Variants in MRTFB observed in about 807,000 individuals in gnomAD.
MRTFB encodes myocardin-related transcription factor B.
In MRTFB, 29 loss-of-function variants were observed where a neutral mutation model predicts 104.2. The ratio of observed to expected loss-of-function variants is 0.28; its 90% confidence interval spans 0.21 to 0.38. The LOEUF is 0.38. Ranked by LOEUF, MRTFB falls within the 10% of genes least tolerant of loss-of-function variation. The probability of loss-of-function intolerance (pLI) is 1.00; values close to 1 mark genes in which losing one functional copy is unlikely to be tolerated. For missense variants in MRTFB, 1,270 were observed against 1,341.6 expected, an observed-to-expected ratio of 0.95 and a Z score of 0.83; for synonymous variants, 535 against 519.5, an observed-to-expected ratio of 1.03 and a Z score of -0.41.
chr16:14,197,047 A>G (rs1362075257), intron 3 of MRTFB, among the ~76,000 whole-genome samples: 1 of 133,268 alleles, frequency 7.5e-6, no homozygotes, highest in African/African-American at 2.9e-5. Context: ...GCGGCTCACT[A>G]CAACCTCTGC....
the MRTFB span, among the ~76,000 whole-genome samples, chr16:14,008,611 C>G: frequency 3.3e-4 from 51 of 152,262 alleles, no homozygotes; most frequent in African/African-American, 1.2e-3. Context: ...TTTTAGTACT[C>G]AGGAAGTATG....
intron 1 of MRTFB, among the ~76,000 whole-genome samples, chr16:14,075,131 ATTTGAAAACATACT>A (rs1214880201): frequency 6.6e-6 from 1 of 152,232 alleles, no homozygotes; most frequent in African/African-American, 2.4e-5. Flanking sequence ...TAAGAAATAT[ATTTGAAAACATACT>A]TACTCTGTGT....
chr16:14,254,340 T>C (rs1455181742), intron 15 of MRTFB, among the ~76,000 whole-genome samples: 1 of 152,206 alleles, frequency 6.6e-6, no homozygotes, highest in Non-Finnish European at 1.5e-5. Flanking sequence ...GAAGAGTAAA[T>C]AGAAGCAGTC....
rs376489821 is a variant in MRTFB at position 14,246,123 on chromosome 16, C to T, written c.1213-350C>T. ...TAATGATACGGACACCTCATGGGGT[C>T]GTGTGAAGATGAGTGGAAAGAGTAG... On this transcript the variant is annotated intron_variant, in intron 11 of 16. Coordinates refer to ENST00000571589, the MANE Select transcript of MRTFB (RefSeq NM_001308142.2). Among the ~76,000 whole-genome samples the T allele has an allele frequency of 3.9e-5, 6 of 152,224 alleles. No homozygotes were observed. In the East Asian group the frequency reaches 9.7e-4, roughly 25 times the overall value.
At chr16:14,064,247 G>A in the MRTFB span, among the ~76,000 whole-genome samples, 6 of 151,994 alleles carry the variant, frequency 3.9e-5, no homozygotes, top group South Asian at 2.1e-4. Context: ...GCATTTTTTC[G>A]TATGCTTGTT....
chr16:14,097,741 T>G (rs766783547), intron 2 of MRTFB, among the ~76,000 whole-genome samples: 8 of 152,200 alleles, frequency 5.3e-5, no homozygotes, highest in Non-Finnish European at 1.5e-5. Flanking sequence ...GCATGCTCCT[T>G]TGCCCCTGTT....
At chr16:14,213,295 T>C (rs552821545) in intron 5 of MRTFB, among the ~76,000 whole-genome samples, 42 of 152,324 alleles carry the variant, frequency 2.8e-4, no homozygotes, top group Non-Finnish European at 5.0e-4. Context: ...GACCTTTCGA[T>C]GTTCATAAGT....
intron 3 of MRTFB, among the ~76,000 whole-genome samples, chr16:14,175,567 A>G (rs1441693640): frequency 1.3e-5 from 2 of 152,218 alleles, no homozygotes; most frequent in Non-Finnish European, 2.9e-5. Context: ...TGAAGAAACC[A>G]CTGTTCCTTT....
intron 14 of MRTFB, 71 bp from the exon 15 acceptor site, chr16:14,252,294 G>A: frequency 6.4e-7 from 1 of 1,562,386 alleles, no homozygotes; most frequent in Non-Finnish European, 8.7e-7. Flanking sequence ...GAACAGCAGA[G>A]CCGAGTCTAG....
At chr16:13,997,141 C>CAG in the MRTFB span, among the ~76,000 whole-genome samples, 1 of 152,234 alleles carries the variant, frequency 6.6e-6, no homozygotes, top group African/African-American at 2.4e-5. Context: ...TCACCACACT[C>CAG]AGAGACCAGG....
At chr16:14,069,439 C>T (rs776924663), upstream of MRTFB, among the ~76,000 whole-genome samples, 18 of 152,174 alleles carry the variant, frequency 1.2e-4, no homozygotes, top group African/African-American at 4.1e-4. Flanking sequence ...GATGGCACAT[C>T]GTAGGACTTC....
At chr16:14,129,411 A>G (rs66463938) in intron 2 of MRTFB, among the ~76,000 whole-genome samples, 31,864 of 152,138 alleles carry the variant, frequency 0.21, 5,897 homozygotes, top group African/African-American at 0.49. Flanking sequence ...GTTGCTGAAT[A>G]TTATTTCATT....
chr16:14,229,372 G>C (rs190932029), intron 8 of MRTFB, among the ~76,000 whole-genome samples: 5 of 152,184 alleles, frequency 3.3e-5, no homozygotes, highest in African/African-American at 9.6e-5. Flanking sequence ...TTGGGGATTA[G>C]AATATGAAAA....
intron 3 of MRTFB, among the ~76,000 whole-genome samples, chr16:14,164,023 C>T (rs1454309744): frequency 6.6e-6 from 1 of 152,042 alleles, no homozygotes; most frequent in Non-Finnish European, 1.5e-5. Flanking sequence ...ATATCCATCA[C>T]CTTGAGCATT....
chr16:13,995,997 C>T, the MRTFB span, among the ~76,000 whole-genome samples: 5 of 152,064 alleles, frequency 3.3e-5, no homozygotes, highest in African/African-American at 7.2e-5. Context: ...GGCAGCCGGG[C>T]ACGGTGGCTC....
At chr16:14,117,291 C>T (rs1308332532) in intron 2 of MRTFB, among the ~76,000 whole-genome samples, 2 of 152,224 alleles carry the variant, frequency 1.3e-5, no homozygotes, top group African/African-American at 4.8e-5. Flanking sequence ...GCCCTCAAGG[C>T]GCTCCCAGCC....
the MRTFB span, among the ~76,000 whole-genome samples, chr16:14,030,604 C>T: frequency 3.0e-3 from 457 of 152,288 alleles, 4 homozygotes; most frequent in African/African-American, 0.01. Flanking sequence ...AAAACCATTT[C>T]GATGCTCTCA....
the MRTFB span, among the ~76,000 whole-genome samples, chr16:14,026,996 G>A: frequency 6.6e-6 from 1 of 152,144 alleles, no homozygotes; most frequent in Non-Finnish European, 1.5e-5. Flanking sequence ...AAGTGTAGCA[G>A]TTTCTTACAC....
intron 3 of MRTFB, among the ~76,000 whole-genome samples, chr16:14,156,251 G>A (rs143673403): frequency 1.3e-5 from 2 of 152,316 alleles, no homozygotes; most frequent in East Asian, 3.9e-4. Context: ...TGGAAAACGA[G>A]GGTCTGGAAT....
Sources: allele counts gnomAD v4.1 joint callset (sites outside exome capture counted in the v4.1 genomes callset), GRCh38; gene constraint gnomAD v4.1.1; transcripts MANE v1.5; gene names NCBI Gene and HGNC (gene_info 2026-07-23, HGNC 2026-07-21).